Variants in AGPAT3 observed in about 807,000 individuals in gnomAD.
AGPAT3 encodes the protein 1-acylglycerol-3-phosphate O-acyltransferase 3, also known as 1-acyl-sn-glycerol-3-phosphate acyltransferase gamma.
A neutral mutation model predicts 47.3 loss-of-function variants in AGPAT3; 5 were observed. The ratio of observed to expected loss-of-function variants is 0.11; its 90% CI spans 0.06 to 0.22. The LOEUF is 0.22. Among genes scored for constraint, AGPAT3 ranks in the 10% least tolerant of loss-of-function variants. AGPAT3 has a pLI of 1.00. For missense variants in AGPAT3, 315 were observed against 493.0 expected (o/e 0.64, Z 3.42); for synonymous variants, 212 against 208.3 (o/e 1.02, Z -0.15).
rs1198161274 is a variant in AGPAT3 at position 43,986,695 on chromosome 21, AC to A, written c.*4306del. Among the ~76,000 whole-genome samples the A allele has an allele frequency of 1.3e-5, 2 of 152,162 alleles. No homozygotes were observed. Among genetic ancestry groups the A allele is most frequent in the East Asian group, 3.8e-4 (2 of 5,196 alleles). ...AAAGGAAAATCTCTCTCTCTGGAGA[AC>A]CCACACAAACCATTGACCTGAGTGC... is the stretch of plus-strand genomic sequence containing the variant. On this transcript the variant is annotated 3_prime_UTR_variant, in exon 10 of 10. Coordinates refer to ENST00000291572, the MANE Select transcript of AGPAT3 (RefSeq NM_020132.5).
intron 2 of AGPAT3, among the ~76,000 whole-genome samples, chr21:43,924,305 G>A (rs1248949930): frequency 2.0e-5 from 3 of 151,904 alleles, no homozygotes; most frequent in South Asian, 2.1e-4. Context: ...GATTACAGGC[G>A]TGAGCCATCG....
At chr21:43,959,045 T>C (rs2088661406) in intron 2 of AGPAT3, among the ~76,000 whole-genome samples, 1 of 129,456 alleles carries the variant, frequency 7.7e-6, no homozygotes, top group Non-Finnish European at 1.6e-5. Flanking sequence ...GGCATGTGTG[T>C]GGTTTGTGGT....
chr21:43,972,623 T>C (rs1026003636), intron 7 of AGPAT3, among the ~76,000 whole-genome samples: 1 of 152,156 alleles, frequency 6.6e-6, no homozygotes, highest in African/African-American at 2.4e-5. Flanking sequence ...CCCCACACAG[T>C]CAGGGCTGTG....
At chr21:43,927,612 C>T (rs1431926509) in intron 2 of AGPAT3, among the ~76,000 whole-genome samples, 1 of 152,240 alleles carries the variant, frequency 6.6e-6, no homozygotes. Flanking sequence ...TGGGAAACCT[C>T]CTTTCCAGTG....
chr21:43,943,309 C>T (rs935145388), intron 2 of AGPAT3, among the ~76,000 whole-genome samples: 20 of 152,130 alleles, frequency 1.3e-4, no homozygotes, highest in African/African-American at 4.8e-4. Context: ...CTCCTGACCT[C>T]GTGATCCACC....
chr21:43,869,268 A>T (rs1444514499), intron 1 of AGPAT3, among the ~76,000 whole-genome samples: 1 of 152,220 alleles, frequency 6.6e-6, no homozygotes, highest in Non-Finnish European at 1.5e-5. Context: ...GAATGTGCTG[A>T]TGATTGGGTT....
intron 1 of AGPAT3, among the ~76,000 whole-genome samples, chr21:43,881,698 C>G (rs955229345): frequency 6.6e-5 from 10 of 152,160 alleles, no homozygotes; most frequent in Non-Finnish European, 1.2e-4. Context: ...CTCTGTCGCC[C>G]AGGCTGGAGT....
rs774514018 is a variant in AGPAT3, at chr21:43,922,393, T to C, written c.-49+18374T>C. 3.3e-5 allele frequency among the ~76,000 whole-genome samples: 5 copies of C among 151,988 alleles called. No homozygotes were observed. The highest frequency in any genetic ancestry group is 5.9e-5 in the Non-Finnish European group (4 of 67,974). On this transcript the variant is annotated intron_variant, in intron 2 of 9. Coordinates refer to ENST00000291572, the MANE Select transcript of AGPAT3 (RefSeq NM_020132.5). The surrounding 1 kb of genome is among the most constrained non-coding windows in gnomAD (Gnocchi z 4.9). ...TGGGCCGAGCCAGGCAGGGACCTGC[T>C]TCAGTCCTCGAAGGAGGCTGCTGGC... is the stretch of plus-strand genomic sequence containing the variant.
At chr21:43,937,806 C>T (rs921263807) in intron 2 of AGPAT3, among the ~76,000 whole-genome samples, 4 of 152,184 alleles carry the variant, frequency 2.6e-5, no homozygotes, top group African/African-American at 9.7e-5. Context: ...TTCTCTCTCT[C>T]ATTAACTATC....
intron 1 of AGPAT3, among the ~76,000 whole-genome samples, chr21:43,865,752 C>T (rs2085490151): frequency 6.6e-6 from 1 of 151,830 alleles, no homozygotes; most frequent in Admixed American, 6.6e-5. Context: ...TCCCTCCGTC[C>T]TGGACTCTGC....
chr21:43,874,326 C>T (rs1464277851), intron 1 of AGPAT3, among the ~76,000 whole-genome samples: 5 of 152,242 alleles, frequency 3.3e-5, no homozygotes, highest in Admixed American at 3.3e-4. Flanking sequence ...ACGCCCGGTC[C>T]TGTCATAAGC....
At chr21:43,926,636 CTTTT>C (rs557494803) in intron 2 of AGPAT3, among the ~76,000 whole-genome samples, 41 of 86,538 alleles carry the variant, frequency 4.7e-4, no homozygotes, top group Non-Finnish European at 3.1e-4. Context: ...CTACGCTGGC[CTTTT>C]TTTTTTTTTT....
chr21:43,974,339 G>T (rs116763834), intron 7 of AGPAT3, among the ~76,000 whole-genome samples: 5 of 151,542 alleles, frequency 3.3e-5, no homozygotes, highest in Non-Finnish European at 7.4e-5. Flanking sequence ...ATAGTGTGGC[G>T]TGTGTATAAA....
At chr21:43,964,765 G>C (rs1030413956) in intron 3 of AGPAT3, among the ~76,000 whole-genome samples, 1 of 152,158 alleles carries the variant, frequency 6.6e-6, no homozygotes, top group Non-Finnish European at 1.5e-5. Flanking sequence ...CTGGGCTTGC[G>C]TGGGTATGTG....
In AGPAT3 at chr21:43,880,128, C is replaced by T. The variant is rs2085825799; in HGVS notation, c.-112+14783C>T. On this transcript the variant is annotated intron_variant, in intron 1 of 9. Transcript: ENST00000291572. The surrounding 1 kb of genome is among the most constrained non-coding windows in gnomAD (Gnocchi z 4.5). ...CTCAGGGTGTGGACTTGAGCTTCGA[C>T]ATCAGTTGGCACTGGCCTTTTGCAC... Among the ~76,000 whole-genome samples, 1 of 152,240 alleles carries T rather than the reference C, an allele frequency of 6.6e-6. No individual in the cohort carries two copies. Among genetic ancestry groups the T allele is most frequent in the Non-Finnish European group, 1.5e-5 (1 of 68,036 alleles).
At chr21:43,867,874 T>C (rs987006668) in intron 1 of AGPAT3, 2 of 151,992 alleles carry the variant, frequency 1.3e-5, no homozygotes, top group African/African-American at 4.9e-5. Flanking sequence ...TACTTTTGGT[T>C]AACCGAAGAG....
chr21:43,885,826 T>TGCAGGTGC (rs145429300), intron 1 of AGPAT3, among the ~76,000 whole-genome samples: 2 of 151,716 alleles, frequency 1.3e-5, no homozygotes, highest in African/African-American at 2.4e-5. Flanking sequence ...GGTGAAGGTG[T>TGCAGGTGC]GCAGGTGCGC....
intron 2 of AGPAT3, among the ~76,000 whole-genome samples, chr21:43,912,019 G>T (rs911092454): frequency 6.6e-6 from 1 of 152,252 alleles, no homozygotes; most frequent in Non-Finnish European, 1.5e-5. Flanking sequence ...TTAGGTCAGG[G>T]GTCCTGGTGG....
Position 43,920,612 on chromosome 21 carries a change from G to GTGGA in AGPAT3, c.-49+16595_-49+16598dup, listed in dbSNP as rs1355721124. 6.6e-6 allele frequency among the ~76,000 whole-genome samples: 1 copy of GTGGA among 152,122 alleles called. No individual in the cohort carries two copies. The highest frequency in any genetic ancestry group is 1.5e-5 in the Non-Finnish European group (1 of 68,028). On this transcript the variant is annotated intron_variant, in intron 2 of 9. Transcript: ENST00000291572. This position sits in a 1 kb window ranked among gnomAD's most constrained non-coding sequence, Gnocchi z 6.1. The stretch of plus-strand genomic sequence containing the variant: ...AGGGGAGGGAGCCCGCAGAGGTGGA[G>GTGGA]TGGATCACCAGTGGCCGGTGTTCTG...
Sources: gnomAD v4.1 joint callset for allele counts (sites outside exome capture counted in the v4.1 genomes callset) on GRCh38, gnomAD v4.1.1 for gene constraint, Gnocchi (gnomAD v3.1) non-coding constraint, MANE v1.5 for transcripts, NCBI Gene and HGNC (gene_info 2026-07-23, HGNC 2026-07-21) for gene names.